The following COL4A1 variants were observed in gnomAD, a reference collection of about 807,000 sequenced individuals.
COL4A1 encodes the protein collagen alpha-1(IV) chain.
A neutral mutation model predicts 216.6 loss-of-function variants in COL4A1; 40 were observed. The observed-to-expected ratio is 0.18, with a 90% CI of 0.14 to 0.24. The LOEUF is 0.24. COL4A1 is among the 10% of genes least tolerant of loss of function. The pLI, the probability that COL4A1 is intolerant of heterozygous loss-of-function variation, is 1.00. For synonymous variants in COL4A1, 839 were observed against 810.7 expected (o/e 1.03, Z -0.59); for missense variants, 1,628 against 2,196.8 (o/e 0.74, Z 5.18).
intron 1 of COL4A1, chr13:110,266,237 G>A (rs966862574): frequency 1.3e-5 from 2 of 152,256 alleles, no homozygotes; most frequent in African/African-American, 4.8e-5. Flanking sequence ...TCTCACAATG[G>A]GCTCACAGAC....
intron 45 of COL4A1, 70 bp downstream of exon 45, chr13:110,166,162 T>C (rs925527846): frequency 1.1e-6 from 1 of 916,404 alleles, no homozygotes; most frequent in Non-Finnish European, 1.8e-6. Context: ...ACCCCAATTC[T>C]GTGCATTCCT....
At chr13:110,269,434 A>G (rs1883162189) in intron 1 of COL4A1, among the ~76,000 whole-genome samples, 1 of 152,252 alleles carries the variant, frequency 6.6e-6, no homozygotes, top group Non-Finnish European at 1.5e-5. Flanking sequence ...AGGCATGTAG[A>G]AAAGAAATAC....
In COL4A1 at chr13:110,209,278, T is replaced by C. The variant is rs992632976; in HGVS notation, c.651+114A>G. The C allele has an allele frequency of 4.3e-5, 36 of 839,628 alleles. No homozygotes were observed. In the African/African-American group the frequency reaches 6.0e-4, roughly 14 times the overall value. The allele number at this position is 839,628 out of a possible 1,614,324, so 52.0% of individuals were successfully genotyped here. ...TACTTAAAGGTATAGTTAGATATAG[T>C]GTTAATTTTCCAACTTTTTTTTAGA... On this transcript the variant is annotated intron_variant, in intron 11 of 51. Coordinates refer to ENST00000375820, the MANE Select transcript of COL4A1 (RefSeq NM_001845.6).
At position 110,174,614 on chromosome 13, in the gene COL4A1, C is replaced by G; in HGVS notation, c.3325+9G>C. 2 of 1,614,172 alleles carry G rather than the reference C, an allele frequency of 1.2e-6. No homozygotes were observed. The highest frequency in any genetic ancestry group is 2.2e-5 in the East Asian group (1 of 44,882). On this transcript the variant is annotated intron_variant, in intron 38 of 51. Transcript: ENST00000375820. ...TTCCCCAAGTCCAAGAGAAGCCCCC[C>G]TCACCTACCTGGATAGCCAACACTC...
At chr13:110,306,792 C>T in intron 1 of COL4A1, 152 bp downstream of exon 1, 1 of 606,690 alleles carries the variant, frequency 1.6e-6, no homozygotes, top group Non-Finnish European at 2.6e-6. Flanking sequence ...CTACAGGGAC[C>T]CCCAACGAAC....
intron 2 of COL4A1, among the ~76,000 whole-genome samples, chr13:110,218,254 CA>C: frequency 6.6e-6 from 1 of 152,156 alleles, no homozygotes; most frequent in African/African-American, 2.4e-5. Context: ...ATCTTTAAAT[CA>C]AAATTTTAAT....
intron 20 of COL4A1, among the ~76,000 whole-genome samples, chr13:110,198,907 A>G (rs898265131): frequency 6.6e-6 from 1 of 152,236 alleles, no homozygotes; most frequent in African/African-American, 2.4e-5. Flanking sequence ...AGTATTCCCA[A>G]CATATTTTAA....
chr13:110,153,594 C>T (rs77242723), intron 50 of COL4A1, among the ~76,000 whole-genome samples: 3,801 of 152,276 alleles, frequency 0.025, 58 homozygotes, highest in East Asian at 0.039. Context: ...GGCAAGCTTA[C>T]ATCATTGTTA....
At chr13:110,174,102 T>G (rs1877767813) in intron 39 of COL4A1, 104 bp from the exon 40 acceptor site, 1 of 1,264,946 alleles carries the variant, frequency 7.9e-7, no homozygotes, top group Admixed American at 1.9e-5. Context: ...AGCTGTTCCC[T>G]CCCAAGCACA....
At chr13:110,286,333 G>A (rs1264106837) in intron 1 of COL4A1, among the ~76,000 whole-genome samples, 1 of 152,222 alleles carries the variant, frequency 6.6e-6, no homozygotes, top group Non-Finnish European at 1.5e-5. Context: ...CGAAGCTCCT[G>A]AGGGTGGCTG....
rs78583150 is a variant in COL4A1 at position 110,233,224 on chromosome 13, T to C, written c.144+9451A>G. On this transcript the variant is annotated intron_variant, in intron 2 of 51. Coordinates refer to ENST00000375820, the MANE Select transcript of COL4A1 (RefSeq NM_001845.6). Reference sequence around the variant, plus strand: ...AGTAGGTGAATGTGGGAACGCACACTGATCACATGGATTCTCACGATTCCT... The same window carrying C: ...AGTAGGTGAATGTGGGAACGCACACCGATCACATGGATTCTCACGATTCCT... Among the ~76,000 whole-genome samples the C allele has an allele frequency of 5.1e-3, 769 of 152,276 alleles. 11 individuals are homozygous for C. The highest frequency in any genetic ancestry group is 0.018 in the African/African-American group (732 of 41,540).
chr13:110,163,024 GC>G (rs749901440), intron 47 of COL4A1, among the ~76,000 whole-genome samples: 1 of 152,216 alleles, frequency 6.6e-6, no homozygotes, highest in Non-Finnish European at 1.5e-5. Context: ...TTAGTCAGTG[GC>G]CTCAGCCTTT....
At chr13:110,245,642 C>T (rs1881767292) in intron 1 of COL4A1, among the ~76,000 whole-genome samples, 1 of 152,190 alleles carries the variant, frequency 6.6e-6, no homozygotes, top group African/African-American at 2.4e-5. Flanking sequence ...CTTTATCTTT[C>T]TGCAATTTGA....
At chr13:110,259,217 T>G (rs1477152347) in intron 1 of COL4A1, among the ~76,000 whole-genome samples, 1 of 152,232 alleles carries the variant, frequency 6.6e-6, no homozygotes, top group South Asian at 2.1e-4. Flanking sequence ...AGTCACCATT[T>G]CCTCCTCTTC....
At chr13:110,280,577 C>T (rs993680232) in intron 1 of COL4A1, among the ~76,000 whole-genome samples, 1 of 152,210 alleles carries the variant, frequency 6.6e-6, no homozygotes, top group African/African-American at 2.4e-5. Context: ...GGCTTAGCAG[C>T]GCCGCATGGC....
At chr13:110,228,520 T>C (rs1052281716) in intron 2 of COL4A1, among the ~76,000 whole-genome samples, 11 of 150,432 alleles carry the variant, frequency 7.3e-5, no homozygotes, top group African/African-American at 2.2e-4. Context: ...AGAATGCGAA[T>C]GAGCAGCCTC....
intron 1 of COL4A1, among the ~76,000 whole-genome samples, chr13:110,277,859 A>C (rs1883485887): frequency 6.6e-6 from 1 of 152,212 alleles, no homozygotes; most frequent in Non-Finnish European, 1.5e-5. Flanking sequence ...CATTTTCTTC[A>C]GATTTCCCAA....
At chr13:110,226,871 A>G (rs1594601258) in intron 2 of COL4A1, among the ~76,000 whole-genome samples, 1 of 152,362 alleles carries the variant, frequency 6.6e-6, no homozygotes, top group East Asian at 1.9e-4. Context: ...AGAAAAGCAT[A>G]TAATTGCAAA....
At chr13:110,177,191 A>T (rs1877927955) in intron 33 of COL4A1, among the ~76,000 whole-genome samples, 154 bp from the exon 34 acceptor site, 1 of 152,230 alleles carries the variant, frequency 6.6e-6, no homozygotes, top group African/African-American at 2.4e-5. Context: ...AGTGTCTGAG[A>T]CACAGAAGAA....
Sources: allele counts gnomAD v4.1 joint callset (sites outside exome capture counted in the v4.1 genomes callset), GRCh38; gene constraint gnomAD v4.1.1; transcripts MANE v1.5; gene names NCBI Gene and HGNC (gene_info 2026-07-23, HGNC 2026-07-21).